Variants in GPC5 observed in about 807,000 individuals in gnomAD.
GPC5 encodes the protein glypican 5, also known as glypican-5.
Under a neutral mutation model 53.9 loss-of-function variants are expected in GPC5, and 47 were observed. The observed-to-expected ratio is 0.87, with a 90% CI of 0.69 to 1.11. GPC5 has a LOEUF of 1.11. GPC5 is among the 50% of genes most tolerant of loss of function. GPC5 has a pLI of 0.00. For missense variants in GPC5, 748 were observed against 713.1 expected (o/e 1.05, Z -0.56); for synonymous variants, 286 against 263.3 (o/e 1.09, Z -0.84).
At chr13:92,069,829 C>T (rs912356776) in intron 6 of GPC5, among the ~76,000 whole-genome samples, 2 of 152,030 alleles carry the variant, frequency 1.3e-5, no homozygotes, top group Non-Finnish European at 2.9e-5. Context: ...TTCTTTTGCC[C>T]GTGAGATTCT....
chr13:92,418,439 A>G (rs573460306), intron 7 of GPC5, among the ~76,000 whole-genome samples: 1 of 152,344 alleles, frequency 6.6e-6, no homozygotes, highest in Admixed American at 6.5e-5. Flanking sequence ...AGGGAAAAAG[A>G]GAGTGAGTTG....
chr13:91,622,521 C>T (rs185864471), intron 2 of GPC5, among the ~76,000 whole-genome samples: 2 of 151,862 alleles, frequency 1.3e-5, no homozygotes, highest in Admixed American at 6.6e-5. Context: ...AAAATATTCA[C>T]GAAGTACTAT....
At chr13:92,185,471 T>C (rs550012491) in intron 7 of GPC5, among the ~76,000 whole-genome samples, 72 of 152,260 alleles carry the variant, frequency 4.7e-4, no homozygotes, top group African/African-American at 1.7e-3. Context: ...ACTAACTGAT[T>C]ATTTTACTCT....
rs576305873 is a variant in GPC5, at chr13:91,715,129, C to T, written c.1021-13403C>T. ...TCATGGCTGTGGAAAGAGGCAGCAG[C>T]TCCAGGGTGTTGCCATGGCAATGGT... On this transcript the variant is annotated intron_variant, in intron 3 of 7. Coordinates refer to ENST00000377067, the MANE Select transcript of GPC5 (RefSeq NM_004466.6). 1.9e-3 allele frequency among the ~76,000 whole-genome samples: 293 copies of T among 152,304 alleles called. 6 individuals are homozygous for T. Among genetic ancestry groups the T allele is most frequent in the African/African-American group, 6.9e-3 (285 of 41,568 alleles).
intron 5 of GPC5, among the ~76,000 whole-genome samples, chr13:91,902,928 A>G (rs2039512783): frequency 1.3e-5 from 2 of 151,986 alleles, no homozygotes; most frequent in African/African-American, 2.4e-5. Flanking sequence ...TCTATTGTAA[A>G]CATATTAAGA....
In GPC5 at chr13:92,525,914, G is replaced by A. The variant is rs1223815649; in HGVS notation, c.1562-340368G>A. On this transcript the variant is annotated intron_variant, in intron 7 of 7. Coordinates refer to ENST00000377067, the MANE Select transcript of GPC5 (RefSeq NM_004466.6). ...CACAATGTTTACTGTTCTTTCCAAC[G>A]TTAAGCATTGAATGTCTCTTTACTA... is the stretch of plus-strand genomic sequence containing the variant. Among the ~76,000 whole-genome samples the A allele has an allele frequency of 1.3e-4, 20 of 152,150 alleles. 1 individual carries two copies. The highest frequency in any genetic ancestry group is 2.4e-4 in the Non-Finnish European group (16 of 67,968).
chr13:92,060,018 G>T (rs1370101421), intron 6 of GPC5: 2 of 151,498 alleles, frequency 1.3e-5, no homozygotes, highest in African/African-American at 4.9e-5. Flanking sequence ...CACTTAAGTT[G>T]CTCATTTTAT....
chr13:91,430,616 G>A (rs1879376894), intron 1 of GPC5, among the ~76,000 whole-genome samples: 1 of 152,164 alleles, frequency 6.6e-6, no homozygotes, highest in South Asian at 2.1e-4. Flanking sequence ...AGCAAAATCT[G>A]TGGGTGGAGA....
intron 7 of GPC5, among the ~76,000 whole-genome samples, chr13:92,725,654 T>A (rs547285550): frequency 6.6e-6 from 1 of 151,452 alleles, no homozygotes; most frequent in African/African-American, 2.4e-5. Flanking sequence ...TACAAAAAAA[T>A]GAAAATAAAA....
chr13:92,475,920 G>T (rs1325364941), intron 7 of GPC5, among the ~76,000 whole-genome samples: 1 of 151,930 alleles, frequency 6.6e-6, no homozygotes, highest in Non-Finnish European at 1.5e-5. Flanking sequence ...TTAAACGTTA[G>T]ACCTAAAACC....
chr13:92,148,578 A>G (rs1463834287), intron 7 of GPC5, among the ~76,000 whole-genome samples: 1 of 152,084 alleles, frequency 6.6e-6, no homozygotes, highest in Non-Finnish European at 1.5e-5. Context: ...TAAAAATCCC[A>G]TTAGGAAAAT....
At chr13:91,533,224 C>T (rs756383605) in intron 2 of GPC5, among the ~76,000 whole-genome samples, 21 of 152,272 alleles carry the variant, frequency 1.4e-4, no homozygotes, top group Non-Finnish European at 2.8e-4. Context: ...TCTGAGGTGA[C>T]AGGACCCAGG....
In GPC5 at chr13:92,100,143, G is replaced by T. The variant is rs142036258; in HGVS notation, c.1402-44687G>T. On this transcript the variant is annotated intron_variant, in intron 6 of 7. Coordinates refer to ENST00000377067, the MANE Select transcript of GPC5 (RefSeq NM_004466.6). ...AAAGTATCCAGGTGCAGTGGCTCAC[G>T]CCTGTAATCCCAGCACTTTGGGAGG... Among the ~76,000 whole-genome samples the T allele has an allele frequency of 6.6e-5, 10 of 152,212 alleles. No homozygotes were observed. In the East Asian group the frequency reaches 1.9e-3, roughly 29 times the overall value.
intron 7 of GPC5, among the ~76,000 whole-genome samples, chr13:92,541,017 A>G (rs909908571): frequency 1.3e-5 from 2 of 151,870 alleles, no homozygotes; most frequent in African/African-American, 4.8e-5. Context: ...ATTGGATATA[A>G]CAGGTGAAGA....
intron 7 of GPC5, among the ~76,000 whole-genome samples, chr13:92,609,555 G>A (rs1177213843): frequency 2.0e-5 from 3 of 152,106 alleles, no homozygotes; most frequent in African/African-American, 4.8e-5. Context: ...GCCAGTTAAC[G>A]TAATGGACCT....
chr13:91,682,984 C>A (rs560512286), intron 2 of GPC5, among the ~76,000 whole-genome samples: 1 of 151,588 alleles, frequency 6.6e-6, no homozygotes, highest in African/African-American at 2.4e-5. Flanking sequence ...AATATTGGGC[C>A]CCAAAGATAT....
rs780137984 is a variant in GPC5 at position 91,458,515 on chromosome 13, C to T, written c.325+9593C>T. On this transcript the variant is annotated intron_variant, in intron 2 of 7. Coordinates refer to ENST00000377067, the MANE Select transcript of GPC5 (RefSeq NM_004466.6). Reference sequence around the variant, plus strand: ...AAACATGAAAACATGCTCAACATCACGAATTATCGGGAAATGCAAATCAAA... The same window carrying T: ...AAACATGAAAACATGCTCAACATCATGAATTATCGGGAAATGCAAATCAAA... Among the ~76,000 whole-genome samples, 13 of 151,910 alleles carry T rather than the reference C, an allele frequency of 8.6e-5. No individual in the cohort carries two copies. In the East Asian group the frequency reaches 1.4e-3, roughly 16 times the overall value.
At chr13:91,430,756 T>G (rs182629370) in intron 1 of GPC5, among the ~76,000 whole-genome samples, 1 of 152,200 alleles carries the variant, frequency 6.6e-6, no homozygotes, top group African/African-American at 2.4e-5. Context: ...CAATTTGGGT[T>G]AGATTTTTGT....
chr13:92,453,235 A>G (rs1213096589), intron 7 of GPC5, among the ~76,000 whole-genome samples: 1 of 152,256 alleles, frequency 6.6e-6, no homozygotes, highest in Non-Finnish European at 1.5e-5. Flanking sequence ...AATTGTACAT[A>G]GCATTGAAAG....
Sources: allele counts gnomAD v4.1 joint callset (sites outside exome capture counted in the v4.1 genomes callset), GRCh38; gene constraint gnomAD v4.1.1; transcripts MANE v1.5; gene names NCBI Gene and HGNC (gene_info 2026-07-23, HGNC 2026-07-21).